ETV6: variants seen among roughly 807,000 people sequenced by gnomAD.
The protein encoded by ETV6 is ETS variant transcription factor 6, also known as transcription factor ETV6.
In ETV6, 16 loss-of-function variants were observed where a neutral mutation model predicts 51.1. That is an observed-to-expected ratio of 0.31 (90% CI 0.21 to 0.48). ETV6 has a LOEUF of 0.48. Among genes scored for constraint, ETV6 ranks in the 20% least tolerant of loss-of-function variants. The pLI is 0.99. For missense variants in ETV6, 458 were observed against 594.8 expected, an observed-to-expected ratio of 0.77 and a Z score of 2.39; for synonymous variants, 240 against 224.1, an observed-to-expected ratio of 1.07 and a Z score of -0.64.
intron 2 of ETV6, among the ~76,000 whole-genome samples, chr12:11,778,325 C>T (rs11054454): frequency 0.055 from 8,409 of 152,332 alleles, 273 homozygotes; most frequent in Middle Eastern, 0.13. Context: ...CACACACACA[C>T]ACTCCTGTGT....
chr12:11,660,598 CAA>C (rs3983865), intron 1 of ETV6, among the ~76,000 whole-genome samples: 1 of 106,466 alleles, frequency 9.4e-6, no homozygotes, highest in Non-Finnish European at 1.8e-5. Context: ...GACTCTGTCT[CAA>C]AAAAAAAAAA....
intron 2 of ETV6, among the ~76,000 whole-genome samples, chr12:11,835,965 A>G (rs1464976251): frequency 3.9e-5 from 6 of 152,196 alleles, no homozygotes; most frequent in Non-Finnish European, 7.3e-5. Flanking sequence ...CTGAATCCCT[A>G]TCATAGGGTT....
At chr12:11,827,926 C>T (rs1946183242) in intron 2 of ETV6, among the ~76,000 whole-genome samples, 2 of 152,198 alleles carry the variant, frequency 1.3e-5, no homozygotes, top group Admixed American at 1.3e-4. Context: ...GCAAATCCTG[C>T]AGGATCTTTA....
At chr12:11,787,262 A>G (rs1420400821) in intron 2 of ETV6, among the ~76,000 whole-genome samples, 1 of 152,216 alleles carries the variant, frequency 6.6e-6, no homozygotes, top group Non-Finnish European at 1.5e-5. Flanking sequence ...GTTGTCTAAT[A>G]CATAATGGCC....
At chr12:11,783,446 T>C (rs2213231) in intron 2 of ETV6, among the ~76,000 whole-genome samples, 85,288 of 151,808 alleles carry the variant, frequency 0.56, 26,094 homozygotes, top group Admixed American at 0.74. Flanking sequence ...GGTTGAAATG[T>C]GGAAGAAAGT....
At chr12:11,836,565 A>G (rs2136459790) in intron 2 of ETV6, among the ~76,000 whole-genome samples, 1 of 152,292 alleles carries the variant, frequency 6.6e-6, no homozygotes, top group East Asian at 1.9e-4. Context: ...TGAAAAGAGA[A>G]ACTGTTGTGC....
At chr12:11,675,800 T>C (rs1201160804) in intron 1 of ETV6, among the ~76,000 whole-genome samples, 1 of 149,272 alleles carries the variant, frequency 6.7e-6, no homozygotes, top group Non-Finnish European at 1.5e-5. Flanking sequence ...GGCAACAGAG[T>C]GAGACCTCTG....
chr12:11,837,024 G>A (rs1201139240), intron 2 of ETV6, among the ~76,000 whole-genome samples: 1 of 152,094 alleles, frequency 6.6e-6, no homozygotes, highest in Non-Finnish European at 1.5e-5. Flanking sequence ...AAGGAGTTAG[G>A]TTTAAGGTTT....
chr12:11,650,485 A>AAAAAC (rs1555109481), intron 1 of ETV6, among the ~76,000 whole-genome samples: 8 of 64,580 alleles, frequency 1.2e-4, no homozygotes, highest in African/African-American at 3.5e-4. Context: ...TGCGCTTAAA[A>AAAAAC]AAAAAAAAAA....
chr12:11,859,204 C>T (rs931859945), intron 4 of ETV6, among the ~76,000 whole-genome samples: 1 of 122,080 alleles, frequency 8.2e-6, no homozygotes, highest in African/African-American at 3.1e-5. Context: ...TGCAGTGGTG[C>T]GATCTCGGTT....
intron 1 of ETV6, among the ~76,000 whole-genome samples, chr12:11,711,498 G>A (rs759221118): frequency 3.3e-5 from 5 of 152,102 alleles, no homozygotes; most frequent in Admixed American, 6.5e-5. Context: ...TTCATACATC[G>A]TGGTTCCTTC....
intron 7 of ETV6, among the ~76,000 whole-genome samples, chr12:11,890,700 T>C (rs1947273579): frequency 1.3e-5 from 2 of 152,276 alleles, no homozygotes; most frequent in African/African-American, 2.4e-5. Flanking sequence ...ACTAGGATTA[T>C]ATGCATGAGC....
intron 1 of ETV6, among the ~76,000 whole-genome samples, chr12:11,674,544 T>C (rs1410860243): frequency 2.6e-5 from 4 of 151,978 alleles, no homozygotes; most frequent in Non-Finnish European, 5.9e-5. Flanking sequence ...AGAAACACTT[T>C]GGCACCTTCT....
At chr12:11,821,174 A>G (rs577851606) in intron 2 of ETV6, among the ~76,000 whole-genome samples, 1 of 151,774 alleles carries the variant, frequency 6.6e-6, no homozygotes, top group African/African-American at 2.4e-5. Flanking sequence ...CATCCTGGCT[A>G]ACACGGCAAA....
chr12:11,760,014 C>G (rs1213649390), intron 2 of ETV6, among the ~76,000 whole-genome samples: 1 of 152,172 alleles, frequency 6.6e-6, no homozygotes, highest in African/African-American at 2.4e-5. Context: ...GATGTTGCTG[C>G]TTTTGCTGTT....
In ETV6 at chr12:11,894,692, C is replaced by T. The variant is rs976854713; in HGVS notation, c.*3646C>T. The T allele has an allele frequency of 5.1e-5, 12 of 233,110 alleles. No individual in the cohort carries two copies. The highest frequency in any genetic ancestry group is 1.5e-4 in the African/African-American group (7 of 45,338). 14.4% of individuals were successfully genotyped at this position (233,110 alleles called of 1,614,324 possible). On this transcript the variant is annotated 3_prime_UTR_variant, in exon 8 of 8. Transcript: ENST00000396373. ...CCATTCCCACCTTTCACTGCCTAGG[C>T]TCCAAGTCTGAATACATTTTTGAAA...
At chr12:11,680,454 G>A (rs946995689) in intron 1 of ETV6, among the ~76,000 whole-genome samples, 14 of 152,052 alleles carry the variant, frequency 9.2e-5, no homozygotes, top group African/African-American at 2.9e-4. Flanking sequence ...TGTAGCTGTC[G>A]TCAGCCCAAA....
chr12:11,650,496 C>CAAAA (rs1252618617), intron 1 of ETV6, among the ~76,000 whole-genome samples: 2 of 111,452 alleles, frequency 1.8e-5, no homozygotes, highest in Non-Finnish European at 1.7e-5. Context: ...AAAAAAAAAA[C>CAAAA]AAAAAACAAA....
At chr12:11,765,691 A>C (rs1355013333) in intron 2 of ETV6, among the ~76,000 whole-genome samples, 3 of 151,922 alleles carry the variant, frequency 2.0e-5, no homozygotes, top group Admixed American at 6.5e-5. Flanking sequence ...GTTTTACTTA[A>C]AATCCTCAGT....
Sources: allele counts gnomAD v4.1 joint callset (sites outside exome capture counted in the v4.1 genomes callset), GRCh38; gene constraint gnomAD v4.1.1; transcripts MANE v1.5; gene names NCBI Gene and HGNC (gene_info 2026-07-23, HGNC 2026-07-21).